Variants in GC observed in about 807,000 individuals in gnomAD.
GC encodes the protein GC vitamin D binding protein.
GC carries 43 observed loss-of-function variants against 56.7 expected under a neutral mutation model. The observed-to-expected ratio is 0.76, with a 90% confidence interval of 0.59 to 0.98. The LOEUF is 0.98. Ranked by LOEUF, GC falls within the 50% of genes least tolerant of loss-of-function variation. The pLI is 0.00. For synonymous variants in GC, 216 were observed against 202.7 expected (o/e 1.07, Z -0.56); for missense variants, 529 against 545.9 (o/e 0.97, Z 0.31).
intron 1 of GC, among the ~76,000 whole-genome samples, chr4:71,801,893 T>C (rs960681679): frequency 1.1e-4 from 17 of 148,900 alleles, no homozygotes; most frequent in East Asian, 2.1e-4. Flanking sequence ...CTTTCTTCTT[T>C]TTTTTTTTTT....
At chr4:71,795,602 CTT>C (rs2149310027) in intron 1 of GC, among the ~76,000 whole-genome samples, 1 of 152,322 alleles carries the variant, frequency 6.6e-6, no homozygotes, top group East Asian at 1.9e-4. Context: ...GGTCTTGACT[CTT>C]TATCCAATTT....
intron 1 of GC, among the ~76,000 whole-genome samples, chr4:71,795,865 C>T (rs1472069007): frequency 6.6e-6 from 1 of 152,176 alleles, no homozygotes; most frequent in Non-Finnish European, 1.5e-5. Context: ...GTAACAAAAT[C>T]TGTCAGCATT....
At chr4:71,749,956 G>A (rs1741493361) in intron 11 of GC, among the ~76,000 whole-genome samples, 1 of 152,056 alleles carries the variant, frequency 6.6e-6, no homozygotes, top group South Asian at 2.1e-4. Context: ...AATCCCTAAG[G>A]TTATAAGGAA....
intron 1 of GC, among the ~76,000 whole-genome samples, chr4:71,793,032 G>T (rs1420704589): frequency 5.3e-5 from 8 of 152,150 alleles, no homozygotes; most frequent in Non-Finnish European, 4.4e-5. Flanking sequence ...CTCTGTTGGG[G>T]TACGGGTACC....
At chr4:71,753,454 C>A in intron 10 of GC, among the ~76,000 whole-genome samples, 2 of 130,736 alleles carry the variant, frequency 1.5e-5, no homozygotes, top group South Asian at 2.4e-4. Context: ...CCGGGGGGTG[C>A]AAATGAGGCA....
chr4:71,772,778 A>T (rs1375248733), intron 1 of GC, among the ~76,000 whole-genome samples: 2 of 152,094 alleles, frequency 1.3e-5, no homozygotes, highest in African/African-American at 4.8e-5. Flanking sequence ...GCTCAGAATT[A>T]AAATATAAAA....
In GC at chr4:71,746,166, T is replaced by C. The variant is rs1443827239; in HGVS notation, c.*10A>G. 7.9e-7 allele frequency: 1 copy of C among 1,271,864 alleles called. No homozygotes were observed. Among genetic ancestry groups the C allele is most frequent in the South Asian group, 1.2e-5 (1 of 83,194 alleles). 78.8% of individuals were successfully genotyped at this position (1,271,864 alleles called of 1,614,324 possible). A position where few individuals can be genotyped will look rare whatever the true frequency, so the allele number is the denominator to read the frequency against. On this transcript the variant is annotated 3_prime_UTR_variant, in exon 12 of 13. Coordinates refer to ENST00000273951, the MANE Select transcript of GC (RefSeq NM_000583.4). ...ATATACTTACCAAAGTTAATAAACA[T>C]GCTTCAGGACTACAGGATATTCTTC...
intron 1 of GC, among the ~76,000 whole-genome samples, chr4:71,774,897 C>T (rs1019910363): frequency 5.9e-5 from 9 of 151,862 alleles, no homozygotes; most frequent in Non-Finnish European, 1.0e-4. Flanking sequence ...TAGAGAATTA[C>T]TCTATTGAAA....
intron 6 of GC, among the ~76,000 whole-genome samples, chr4:71,760,179 G>A (rs563168234): frequency 5.7e-4 from 87 of 151,402 alleles, no homozygotes; most frequent in Middle Eastern, 6.8e-3. Flanking sequence ...GAGTAGCTGG[G>A]ACTATAGGCG....
intron 8 of GC, 115 bp downstream of exon 8, chr4:71,756,597 A>G (rs1741778639): frequency 1.5e-6 from 1 of 679,414 alleles, no homozygotes; most frequent in Non-Finnish European, 2.7e-6. Flanking sequence ...TAAAGGTAGT[A>G]CTTTGCCTAT....
chr4:71,786,788 C>T (rs1036025834), upstream of GC, among the ~76,000 whole-genome samples: 7 of 151,810 alleles, frequency 4.6e-5, no homozygotes, highest in South Asian at 4.1e-4. Context: ...TTTAATGCTG[C>T]GACAGTCTTC....
At chr4:71,790,881 G>A (rs1327184282) in intron 1 of GC, among the ~76,000 whole-genome samples, 1 of 151,552 alleles carries the variant, frequency 6.6e-6, no homozygotes, top group Non-Finnish European at 1.5e-5. Context: ...TCATCATTTA[G>A]CATTAGGTAT....
At chr4:71,804,904 A>G (rs1237221507), upstream of GC, among the ~76,000 whole-genome samples, 7 of 81,958 alleles carry the variant, frequency 8.5e-5, no homozygotes, top group Admixed American at 5.0e-4. Flanking sequence ...ACCTGGTAAC[A>G]GCGGGGCTGA....
In GC at chr4:71,802,814, A is replaced by C. The variant is rs564188775; in HGVS notation, c.21+1112T>G. ...TCAACTTACAATGGGGCTACACCCCAATAACCCCATCAAAAATTGAAAACA... is the reference window on the plus strand; with the variant it reads ...TCAACTTACAATGGGGCTACACCCCCATAACCCCATCAAAAATTGAAAACA... On this transcript the variant is annotated intron_variant, in intron 1 of 13. Transcript: ENST00000504199. 2.6e-5 allele frequency among the ~76,000 whole-genome samples: 4 copies of C among 152,314 alleles called. No individual in the cohort carries two copies. In the South Asian group the frequency reaches 8.3e-4, roughly 32 times the overall value.
At chr4:71,752,026 A>G (rs1234882241) in intron 11 of GC, among the ~76,000 whole-genome samples, 1 of 151,810 alleles carries the variant, frequency 6.6e-6, no homozygotes, top group African/African-American at 2.4e-5. Flanking sequence ...GTATGATATG[A>G]CCCCATTTTT....
intron 11 of GC, among the ~76,000 whole-genome samples, chr4:71,746,772 T>TAAAAAAA (rs34865299): frequency 5.0e-5 from 5 of 100,644 alleles, no homozygotes; most frequent in African/African-American, 1.3e-4. Context: ...CTCTATTTTG[T>TAAAAAAA]AAAAAAAAAA....
intron 11 of GC, among the ~76,000 whole-genome samples, chr4:71,752,183 C>G (rs1741578147): frequency 6.6e-6 from 1 of 152,072 alleles, no homozygotes; most frequent in Non-Finnish European, 1.5e-5. Context: ...TCTTATTCTT[C>G]TCTTTTTCAT....
At chr4:71,804,018 A>G in exon 1 of GC, 1 of 936,696 alleles carries the variant, frequency 1.1e-6, no homozygotes, top group East Asian at 2.6e-5. Flanking sequence ...CTGGTGGAGT[A>G]AGCAATCTCT....
intron 3 of GC, 129 bp downstream of exon 3, chr4:71,768,172 G>C (rs1742217517): frequency 4.5e-6 from 3 of 665,288 alleles, no homozygotes; most frequent in Non-Finnish European, 7.4e-6. Context: ...AACACAACAG[G>C]CTTCATATTT....
Sources: gnomAD v4.1 joint callset for allele counts (sites outside exome capture counted in the v4.1 genomes callset) on GRCh38, gnomAD v4.1.1 for gene constraint, MANE v1.5 for transcripts, NCBI Gene and HGNC (gene_info 2026-07-23, HGNC 2026-07-21) for gene names.